The following PCDHGA12 variants were observed in gnomAD, a reference collection of about 807,000 sequenced individuals.
PCDHGA12 encodes protocadherin gamma-A12.
PCDHGA12 carries 43 observed loss-of-function variants against 61.1 expected under a neutral mutation model. The observed-to-expected ratio is 0.70, with a 90% confidence interval of 0.55 to 0.91. PCDHGA12 has a LOEUF of 0.91. PCDHGA12 is among the 40% of genes least tolerant of loss of function. The probability of loss-of-function intolerance (pLI) is 0.00; values close to 1 mark genes in which losing one functional copy is unlikely to be tolerated. For missense variants in PCDHGA12, 1,236 were observed against 1,227.7 expected, an observed-to-expected ratio of 1.01 and a Z score of -0.10; for synonymous variants, 520 against 542.9, an observed-to-expected ratio of 0.96 and a Z score of 0.59.
chr5:141,488,158 G>A (rs534297140), intron 1 of PCDHGA12, among the ~76,000 whole-genome samples: 4 of 152,328 alleles, frequency 2.6e-5, no homozygotes, highest in South Asian at 2.1e-4. Context: ...AGAGAGGCAC[G>A]CATCAGAGTG....
intron 1 of PCDHGA12, among the ~76,000 whole-genome samples, chr5:141,481,695 T>A (rs2099542216): frequency 1.3e-5 from 2 of 152,122 alleles, no homozygotes; most frequent in Non-Finnish European, 2.9e-5. Context: ...GGCTCACGCC[T>A]GTAATCCCAG....
At chr5:141,481,739 G>A (rs1034725934) in intron 1 of PCDHGA12, among the ~76,000 whole-genome samples, 1 of 152,082 alleles carries the variant, frequency 6.6e-6, no homozygotes, top group Non-Finnish European at 1.5e-5. Flanking sequence ...GGATCACGAG[G>A]TCAGGAGTCC....
chr5:141,445,389 C>T (rs1484183450), intron 1 of PCDHGA12, among the ~76,000 whole-genome samples: 1 of 152,174 alleles, frequency 6.6e-6, no homozygotes, highest in Non-Finnish European at 1.5e-5. Flanking sequence ...CATTCATTTA[C>T]ATAACAAATA....
At position 141,487,507 on chromosome 5, in the gene PCDHGA12, A is replaced by C; in HGVS notation, c.2425-7300A>C. 6.2e-7 allele frequency: 1 copy of C among 1,614,138 alleles called. No individual in the cohort carries two copies. Among genetic ancestry groups the C allele is most frequent in the Non-Finnish European group, 8.5e-7 (1 of 1,180,028 alleles). On this transcript the variant is annotated intron_variant, in intron 1 of 3. Coordinates refer to ENST00000252085, the MANE Select transcript of PCDHGA12 (RefSeq NM_003735.3). This position sits in a 1 kb window ranked among gnomAD's most constrained non-coding sequence, Gnocchi z 5.0. ...ATGGCTGTACACCCTTGGCTTCTGC[A>C]CCCACTCGGAGTGATAGCTTCATGA...
chr5:141,502,955 T>C (rs2099817293), intron 2 of PCDHGA12, among the ~76,000 whole-genome samples: 1 of 149,868 alleles, frequency 6.7e-6, no homozygotes, highest in Non-Finnish European at 1.5e-5. Context: ...GCGATTCTCC[T>C]GCCTCAGCCT....
Position 141,477,198 on chromosome 5 carries a change from TACCCGAGGATG to T in PCDHGA12, c.2425-17608_2425-17598del. 6.2e-7 allele frequency: 1 copy of T among 1,614,194 alleles called. No homozygotes were observed. The highest frequency in any genetic ancestry group is 2.2e-5 in the East Asian group (1 of 44,874). On this transcript the variant is annotated intron_variant, in intron 1 of 3. Transcript: ENST00000252085. The surrounding 1 kb of genome is among the most constrained non-coding windows in gnomAD (Gnocchi z 4.9). ...ACAGTCACCTCCGTGTACAGCCCAG[TACCCGAGGATG>T]CCCCTCTGGGGACTGTCATCGCTTT...
Position 141,491,188 on chromosome 5 carries a change from G to A in PCDHGA12, c.2425-3619G>A. On this transcript the variant is annotated intron_variant, in intron 1 of 3. Transcript: ENST00000252085. This position sits in a 1 kb window ranked among gnomAD's most constrained non-coding sequence, Gnocchi z 6.9. Reference sequence around the variant, plus strand: ...CCAGCAGGTGGTGGTCCTGGTGAGGGACAATGGTGACCCTTCACTCTCCTC... The same window carrying A: ...CCAGCAGGTGGTGGTCCTGGTGAGGAACAATGGTGACCCTTCACTCTCCTC... The A allele has an allele frequency of 6.2e-7, 1 of 1,614,198 alleles. No individual in the cohort carries two copies. The highest frequency in any genetic ancestry group is 1.1e-5 in the South Asian group (1 of 91,086).
rs759647406 is a variant in PCDHGA12 at position 141,493,849 on chromosome 5, A to G, written c.2425-958A>G. Among the ~76,000 whole-genome samples the G allele has an allele frequency of 6.6e-6, 1 of 152,178 alleles. No individual in the cohort carries two copies. The highest frequency in any genetic ancestry group is 1.5e-5 in the Non-Finnish European group (1 of 68,028). ...CTGGGAGCAAGTATGAGTATTAATT[A>G]CCAGCCCACCCCAGAACCAGTGAGG... On this transcript the variant is annotated intron_variant, in intron 1 of 3. Coordinates refer to ENST00000252085, the MANE Select transcript of PCDHGA12 (RefSeq NM_003735.3). The surrounding 1 kb of genome is among the most constrained non-coding windows in gnomAD (Gnocchi z 4.3).
chr5:141,461,591 C>T (rs1368759571), intron 1 of PCDHGA12, among the ~76,000 whole-genome samples: 1 of 152,088 alleles, frequency 6.6e-6, no homozygotes, highest in Non-Finnish European at 1.5e-5. Flanking sequence ...GTTATATTTC[C>T]ATTATAATTT....
chr5:141,481,835 C>T (rs892868552), intron 1 of PCDHGA12, among the ~76,000 whole-genome samples: 5 of 149,932 alleles, frequency 3.3e-5, no homozygotes, highest in Non-Finnish European at 7.4e-5. Flanking sequence ...GCAGGAGAAT[C>T]GCTTGATGGT....
chr5:141,490,488 C>A lies in PCDHGA12; in HGVS notation c.2425-4319C>A, dbSNP rs142637733. 6.2e-7 allele frequency: 1 copy of A among 1,614,018 alleles called. No homozygotes were observed. Among genetic ancestry groups the A allele is most frequent in the African/African-American group, 1.3e-5 (1 of 74,904 alleles). ...CCAGCCAGCCTTTGGACCGGGAGGC[C>A]ACATCCCACTATATCATCGAGCTGC... On this transcript the variant is annotated intron_variant, in intron 1 of 3. Coordinates refer to ENST00000252085, the MANE Select transcript of PCDHGA12 (RefSeq NM_003735.3). The surrounding 1 kb of genome is among the most constrained non-coding windows in gnomAD (Gnocchi z 5.4).
intron 1 of PCDHGA12, among the ~76,000 whole-genome samples, chr5:141,483,547 G>A (rs1202182188): frequency 6.6e-6 from 1 of 152,140 alleles, no homozygotes. Context: ...GGTTGACAGT[G>A]CCATTCACAG....
chr5:141,438,629 T>C (rs1162332421), intron 1 of PCDHGA12, among the ~76,000 whole-genome samples: 9 of 48,096 alleles, frequency 1.9e-4, no homozygotes, highest in Admixed American at 6.4e-4. Context: ...TATATATATA[T>C]ATATATACAC....
intron 1 of PCDHGA12, among the ~76,000 whole-genome samples, chr5:141,467,397 TAGAA>T (rs1326936900): frequency 6.6e-6 from 1 of 152,106 alleles, no homozygotes; most frequent in Non-Finnish European, 1.5e-5. Flanking sequence ...AAGTCATAGT[TAGAA>T]AGCCTTTCCC....
At chr5:141,461,328 A>G (rs2154567322) in intron 1 of PCDHGA12, among the ~76,000 whole-genome samples, 1 of 152,282 alleles carries the variant, frequency 6.6e-6, no homozygotes, top group East Asian at 1.9e-4. Flanking sequence ...AATAATGGCC[A>G]TTCTTGCAGG....
Position 141,431,529 on chromosome 5 carries a change from T to G in PCDHGA12, c.770T>G (p.Leu257Trp), listed in dbSNP as rs145601545. The G allele has an allele frequency of 2.5e-6, 4 of 1,614,074 alleles. No homozygotes were observed. The highest frequency in any genetic ancestry group is 3.4e-6 in the Non-Finnish European group (4 of 1,180,030). ...GCGAGCGTTCCGGAGAATCTGGCCT[T>G]GGGCACGCAGCTGCTTGTAGTCAAC... ...YRASVPENLA[L>W]GTQLLVVNAT... is the part of the protein sequence containing the mutation. The change falls in exon 1 of 4, where the codon TTG (leucine) becomes TGG (tryptophan). Residue 257 changes from leucine to tryptophan, a missense_variant. By Grantham distance (61) the Leu-to-Trp change is moderately conservative. Coordinates refer to ENST00000252085, the MANE Select transcript of PCDHGA12 (RefSeq NM_003735.3). The surrounding 1 kb of genome is among the most constrained non-coding windows in gnomAD (Gnocchi z 4.8).
rs758172004 is a variant in PCDHGA12, at chr5:141,477,909, C to T, written c.2425-16898C>T. On this transcript the variant is annotated intron_variant, in intron 1 of 3. Transcript: ENST00000252085. This position sits in a 1 kb window ranked among gnomAD's most constrained non-coding sequence, Gnocchi z 4.9. ...GTGTCACGGGTGGTAGGCTGGGACGCGGATGCAGGGCACAATGCCTGGCTC... is the reference window on the plus strand; with the variant it reads ...GTGTCACGGGTGGTAGGCTGGGACGTGGATGCAGGGCACAATGCCTGGCTC... 2 of 1,614,166 alleles carry T rather than the reference C, an allele frequency of 1.2e-6. No individual in the cohort carries two copies. Among genetic ancestry groups the T allele is most frequent in the Admixed American group, 1.7e-5 (1 of 60,016 alleles).
At chr5:141,441,864 G>A in intron 1 of PCDHGA12, 3 of 344,518 alleles carry the variant, frequency 8.7e-6, no homozygotes, top group Admixed American at 4.1e-5. Context: ...TGCACGCCGC[G>A]GAGCCTGGCT....
intron 1 of PCDHGA12, among the ~76,000 whole-genome samples, chr5:141,458,758 G>T (rs1473104567): frequency 1.3e-5 from 2 of 150,844 alleles, no homozygotes; most frequent in Non-Finnish European, 3.0e-5. Context: ...TTTGAGACAG[G>T]GTCTTGCTGT....
Sources: gnomAD v4.1 joint callset for allele counts (sites outside exome capture counted in the v4.1 genomes callset) on GRCh38, gnomAD v4.1.1 for gene constraint, Gnocchi (gnomAD v3.1) non-coding constraint, MANE v1.5 for transcripts, NCBI Gene and HGNC (gene_info 2026-07-23, HGNC 2026-07-21) for gene names.